The following C5AR2 variants were observed in gnomAD, a reference collection of about 807,000 sequenced individuals.
C5AR2 encodes C5a anaphylatoxin chemotactic receptor 2.
For missense variants in C5AR2, 458 were observed against 467.5 expected (o/e 0.98, Z 0.19); for synonymous variants, 224 against 216.5 (o/e 1.03, Z -0.30).
Position 47,340,984 on chromosome 19 carries a change from A to G in C5AR2, c.185A>G (p.Lys62Arg). The change falls in exon 2 of 2, where the codon AAG becomes AGG. Residue 62 changes from lysine (K) to arginine (R), a missense_variant. By Grantham distance (26) the Lys-to-Arg change is conservative. Transcript: ENST00000595464. ...GCCATGGTGGCCTGGGTGGCTGGGA[A>G]GGTGGCCCGCCGGAGGGTGGGTGCC... ...GNAMVAWVAGKVARRRVGATW... is the reference protein window; with the variant it reads ...GNAMVAWVAGRVARRRVGATW... The G allele has an allele frequency of 6.2e-7, 1 of 1,610,602 alleles. No individual in the cohort carries two copies. Among genetic ancestry groups the G allele is most frequent in the East Asian group, 2.2e-5 (1 of 44,864 alleles).
At chr19:47,339,153 C>CA (rs956925101) in intron 1 of C5AR2, among the ~76,000 whole-genome samples, 2 of 151,250 alleles carry the variant, frequency 1.3e-5, no homozygotes, top group Non-Finnish European at 2.9e-5. Context: ...AACTCTGTCT[C>CA]AAAAAAAATA....
At chr19:47,335,142 G>C (rs1440783274) in intron 1 of C5AR2, among the ~76,000 whole-genome samples, 1 of 151,448 alleles carries the variant, frequency 6.6e-6, no homozygotes, top group African/African-American at 2.4e-5. Flanking sequence ...TGATCCGTCT[G>C]CCTAGGACTC....
Position 47,342,097 on chromosome 19 carries a change from G to A in C5AR2, c.*284G>A, listed in dbSNP as rs553522452. On this transcript the variant is annotated 3_prime_UTR_variant, in exon 2 of 2. Transcript: ENST00000595464. ...GGGCCATTTGCGGTGGCTCACGCCT[G>A]TAATTCCAGGGCTTTGGGAGGCTGA... 53 of 330,064 alleles carry A rather than the reference G, an allele frequency of 1.6e-4. No homozygotes were observed. Among genetic ancestry groups the A allele is most frequent in the Admixed American group, 2.5e-4 (6 of 23,830 alleles). 20.4% of individuals were successfully genotyped at this position (330,064 alleles called of 1,614,324 possible).
chr19:47,340,955 C>G lies in C5AR2; in HGVS notation c.156C>G (p.Gly52=). 1 of 1,611,752 alleles carries G rather than the reference C, an allele frequency of 6.2e-7. No homozygotes were observed. The highest frequency in any genetic ancestry group is 1.3e-5 in the African/African-American group (1 of 75,060). Residue 52 remains glycine, a synonymous_variant, in exon 2 of 2, where the codon GGC becomes GGG. Coordinates refer to ENST00000595464, the MANE Select transcript of C5AR2 (RefSeq NM_001271749.2). ...YAAIFLVGVP[G]NAMVAWVAGK... ...CCATCTTCCTGGTGGGGGTGCCGGGCAATGCCATGGTGGCCTGGGTGGCTG... is the reference window on the plus strand; with the variant it reads ...CCATCTTCCTGGTGGGGGTGCCGGGGAATGCCATGGTGGCCTGGGTGGCTG...
chr19:47,338,690 T>TAATA (rs1385945632), intron 1 of C5AR2, among the ~76,000 whole-genome samples: 15 of 50,282 alleles, frequency 3.0e-4, no homozygotes, highest in East Asian at 1.9e-3. Context: ...TAATAATAAT[T>TAATA]AATCAGGCAT....
At position 47,343,282 on chromosome 19, in the gene C5AR2, C is replaced by T. The variant is rs1969072117; in HGVS notation, c.*1469C>T. The T allele has an allele frequency of 6.6e-6, 1 of 152,188 alleles. No individual in the cohort carries two copies. The highest frequency in any genetic ancestry group is 2.1e-4 in the South Asian group (1 of 4,832). The allele number at this position is 152,188 out of a possible 1,614,324, so 9.4% of individuals were successfully genotyped here. ...AAGCTCCCAGAAGGAACACAGACCT[C>T]CTGACACTTTTAGACCTCTGATCCG... On this transcript the variant is annotated 3_prime_UTR_variant, in exon 2 of 2. Transcript: ENST00000595464.
At chr19:47,340,145 T>TG (rs1167312783) in intron 1 of C5AR2, among the ~76,000 whole-genome samples, 1 of 151,792 alleles carries the variant, frequency 6.6e-6, no homozygotes, top group African/African-American at 2.4e-5. Flanking sequence ...TTCGTAGAGA[T>TG]GGGGTCTCCC....
intron 1 of C5AR2, among the ~76,000 whole-genome samples, chr19:47,333,626 T>G (rs1215856196): frequency 6.8e-6 from 1 of 147,078 alleles, no homozygotes; most frequent in Non-Finnish European, 1.5e-5. Context: ...TTGCTCAGGC[T>G]GGAGTGCAGT....
At chr19:47,333,152 A>T (rs1441764196) in intron 1 of C5AR2, among the ~76,000 whole-genome samples, 5 of 151,108 alleles carry the variant, frequency 3.3e-5, no homozygotes, top group Non-Finnish European at 5.9e-5. Context: ...TTACAGGTGC[A>T]CGCCACCACA....
intron 1 of C5AR2, among the ~76,000 whole-genome samples, chr19:47,339,223 CT>C (rs1568669541): frequency 6.6e-6 from 1 of 152,166 alleles, no homozygotes. Context: ...TAGCACCTGT[CT>C]CATTTGGAAT....
intron 1 of C5AR2, among the ~76,000 whole-genome samples, chr19:47,333,584 CTTTTTTTTTTT>C (rs34383862): frequency 2.4e-5 from 3 of 124,458 alleles, no homozygotes; most frequent in Middle Eastern, 7.9e-3. Flanking sequence ...GTTCAGACTC[CTTTTTTTTTTT>C]TTTTTTTTTG....
In C5AR2 at chr19:47,345,866, C is replaced by G. The variant is rs1479251967; in HGVS notation, c.*4053C>G. On this transcript the variant is annotated 3_prime_UTR_variant, in exon 2 of 2. Coordinates refer to ENST00000595464, the MANE Select transcript of C5AR2 (RefSeq NM_001271749.2). The stretch of plus-strand genomic sequence containing the variant: ...AGGACCAGCTAAAACAGGGAGGAGG[C>G]TGAAGCAACTTATTATTTTTATTTA... The G allele has an allele frequency of 6.6e-6, 1 of 151,890 alleles. No individual in the cohort carries two copies. Among genetic ancestry groups the G allele is most frequent in the African/African-American group, 2.4e-5 (1 of 41,342 alleles). The allele number at this position is 151,890 out of a possible 1,614,324, so 9.4% of individuals were successfully genotyped here.
Position 47,341,209 on chromosome 19 carries a change from T to C in C5AR2, c.410T>C (p.Leu137Pro). Residue 137 changes from leucine (L) to proline (P), a missense_variant, in exon 2 of 2, where the codon CTC (leucine) becomes CCC (proline). Leu to Pro is a moderately conservative substitution (Grantham distance 98). Transcript: ENST00000595464. The surrounding 1 kb of genome is among the most constrained non-coding windows in gnomAD (Gnocchi z 4.6). ...ALSADLCFLA[L>P]GPAWWSTVQR... ...AGTGCCGACCTCTGCTTCCTGGCTCTCGGGCCTGCCTGGTGGTCTACGGTT... is the reference window on the plus strand; with the variant it reads ...AGTGCCGACCTCTGCTTCCTGGCTCCCGGGCCTGCCTGGTGGTCTACGGTT... 1 of 1,601,306 alleles carries C rather than the reference T, an allele frequency of 6.2e-7. No individual in the cohort carries two copies. Among genetic ancestry groups the C allele is most frequent in the Non-Finnish European group, 8.5e-7 (1 of 1,179,894 alleles).
At chr19:47,336,142 T>G (rs1042065049) in intron 1 of C5AR2, among the ~76,000 whole-genome samples, 1 of 151,972 alleles carries the variant, frequency 6.6e-6, no homozygotes, top group Non-Finnish European at 1.5e-5. Flanking sequence ...CAGGCTGGAG[T>G]GCAGTGGCAT....
At chr19:47,333,529 C>G (rs112918902) in intron 1 of C5AR2, among the ~76,000 whole-genome samples, 2,585 of 149,804 alleles carry the variant, frequency 0.017, 38 homozygotes, top group Middle Eastern at 0.089. Flanking sequence ...ATTGCTGGGT[C>G]GTGAGGGAGG....
rs1969103174 is a variant in C5AR2, at chr19:47,345,294, C to T, written c.*3481C>T. On this transcript the variant is annotated 3_prime_UTR_variant, in exon 2 of 2. Transcript: ENST00000595464. ...CTGGACAGGGGTGACGATATACCTG[C>T]CTAACTCTTAGGATCTATTGGATTC... The T allele has an allele frequency of 6.6e-6, 1 of 152,136 alleles. No homozygotes were observed. Among genetic ancestry groups the T allele is most frequent in the Non-Finnish European group, 1.5e-5 (1 of 68,198 alleles). 9.4% of individuals were successfully genotyped at this position (152,136 alleles called of 1,614,324 possible).
intron 1 of C5AR2, among the ~76,000 whole-genome samples, 156 bp from the exon 2 acceptor site, chr19:47,340,629 C>A (rs1375969244): frequency 6.6e-6 from 1 of 152,126 alleles, no homozygotes; most frequent in Non-Finnish European, 1.5e-5. Flanking sequence ...GCCACCACAC[C>A]CGGCCTAGAA....
At chr19:47,338,248 G>T (rs7256417) in intron 1 of C5AR2, among the ~76,000 whole-genome samples, 1 of 151,330 alleles carries the variant, frequency 6.6e-6, no homozygotes, top group African/African-American at 2.4e-5. Flanking sequence ...GCACTCCAGC[G>T]TTGGCAAGAT....
At chr19:47,339,644 C>T (rs2059374547) in intron 1 of C5AR2, among the ~76,000 whole-genome samples, 1 of 152,072 alleles carries the variant, frequency 6.6e-6, no homozygotes, top group Non-Finnish European at 1.5e-5. Flanking sequence ...TGCCTCTCAC[C>T]CTCTCCCTCT....
Sources: gnomAD v4.1 joint callset for allele counts (sites outside exome capture counted in the v4.1 genomes callset) on GRCh38, gnomAD v4.1.1 for gene constraint, Gnocchi (gnomAD v3.1) non-coding constraint, MANE v1.5 for transcripts, NCBI Gene and HGNC (gene_info 2026-07-23, HGNC 2026-07-21) for gene names.